CDC42: variants seen among roughly 807,000 people sequenced by gnomAD.
The protein encoded by CDC42 is cell division cycle 42.
In CDC42, 1 loss-of-function variant was observed where a neutral mutation model predicts 20.8. The observed-to-expected ratio is 0.05, with a 90% CI of 0.02 to 0.23. The LOEUF is 0.23. Ranked by LOEUF, CDC42 falls within the 10% of genes least tolerant of loss-of-function variation. The pLI is 1.00. For synonymous variants in CDC42, 72 were observed against 84.8 expected (o/e 0.85, Z 0.83); for missense variants, 49 against 227.9 (o/e 0.21, Z 5.05).
chr1:22,076,315 A>C (rs762993891), intron 1 of CDC42, among the ~76,000 whole-genome samples: 3 of 152,112 alleles, frequency 2.0e-5, no homozygotes, highest in Non-Finnish European at 4.4e-5. Flanking sequence ...AACATTATCC[A>C]GGCGTGGTGG....
chr1:22,062,636 C>A (rs1645378275), intron 1 of CDC42, among the ~76,000 whole-genome samples: 1 of 144,442 alleles, frequency 6.9e-6, no homozygotes, highest in Non-Finnish European at 1.5e-5. Context: ...GTAATCCCAG[C>A]AGTTTGGGAG....
In CDC42 at chr1:22,074,722, A is replaced by G. The variant is rs141915725; in HGVS notation, c.-50-3707A>G. ...GGTGAGCCACTGTGCTCTTTAATACATGTGTTAAAGGGCAAAACTACAACA... is the reference window on the plus strand; with the variant it reads ...GGTGAGCCACTGTGCTCTTTAATACGTGTGTTAAAGGGCAAAACTACAACA... On this transcript the variant is annotated intron_variant, in intron 1 of 5. Transcript: ENST00000656825. Among the ~76,000 whole-genome samples the G allele has an allele frequency of 3.3e-5, 5 of 152,254 alleles. No homozygotes were observed. The East Asian group carries it at 5.8e-4, about 18-fold the overall frequency.
At chr1:22,090,282 G>C in intron 5 of CDC42, 3 of 1,171,240 alleles carry the variant, frequency 2.6e-6, no homozygotes, top group Non-Finnish European at 3.2e-6. Context: ...GAGCTTTTTG[G>C]TTTGGATTAC....
chr1:22,058,188 ATT>A (rs1399727037), intron 1 of CDC42, among the ~76,000 whole-genome samples: 2 of 152,162 alleles, frequency 1.3e-5, no homozygotes, highest in African/African-American at 4.8e-5. Flanking sequence ...CCAGAATCTT[ATT>A]TTAATAAGAT....
At chr1:22,065,906 G>A (rs1645418040) in intron 1 of CDC42, among the ~76,000 whole-genome samples, 1 of 151,968 alleles carries the variant, frequency 6.6e-6, no homozygotes, top group Non-Finnish European at 1.5e-5. Context: ...TTACAGGTGT[G>A]CGCCACCATG....
chr1:22,065,583 G>C (rs1645413727), intron 1 of CDC42, among the ~76,000 whole-genome samples: 1 of 152,158 alleles, frequency 6.6e-6, no homozygotes, highest in African/African-American at 2.4e-5. Context: ...CTGCTAGGTG[G>C]TGTGTGTACC....
At chr1:22,087,298 T>C (rs1039080330) in intron 5 of CDC42, among the ~76,000 whole-genome samples, 1 of 152,218 alleles carries the variant, frequency 6.6e-6, no homozygotes, top group African/African-American at 2.4e-5. Flanking sequence ...AGGGAATTAG[T>C]CATAATAATT....
intron 5 of CDC42, chr1:22,090,590 G>A: frequency 4.1e-6 from 4 of 985,864 alleles, no homozygotes; most frequent in Non-Finnish European, 4.8e-6. Context: ...CTGGGGTGGG[G>A]AAGATATTGA....
At chr1:22,078,892 T>C in intron 2 of CDC42, 1 of 1,249,374 alleles carries the variant, frequency 8.0e-7, no homozygotes, top group Non-Finnish European at 1.0e-6. Flanking sequence ...GTGACTTTTT[T>C]TTTTTTTTTT....
intron 2 of CDC42, among the ~76,000 whole-genome samples, chr1:22,080,145 A>G (rs1030850011): frequency 7.2e-5 from 11 of 152,202 alleles, no homozygotes; most frequent in Non-Finnish European, 1.3e-4. Flanking sequence ...CTCTTAATGG[A>G]TGAGGGTACT....
At chr1:22,079,027 A>T in intron 2 of CDC42, 1 of 342,404 alleles carries the variant, frequency 2.9e-6, no homozygotes, top group Non-Finnish European at 5.1e-6. Context: ...GCTTAGCAGT[A>T]ATGGAGCTCC....
rs1405525261 is a variant in CDC42 at position 22,078,664 on chromosome 1, G to T, written c.105+81G>T. ...TGAAAACGCTTTCTCTATGTGTACT[G>T]AATTTTTTTCTGTTGTCTGCCTTTG... On this transcript the variant is annotated intron_variant, in intron 2 of 5. Coordinates refer to ENST00000656825, the MANE Select transcript of CDC42 (RefSeq NM_001791.4). The T allele has an allele frequency of 1.9e-6, 3 of 1,545,968 alleles. No homozygotes were observed. In the African/African-American group the frequency reaches 4.1e-5, roughly 21 times the overall value.
intron 1 of CDC42, among the ~76,000 whole-genome samples, chr1:22,062,408 C>T (rs78414165): frequency 9.9e-5 from 15 of 152,270 alleles, no homozygotes; most frequent in Non-Finnish European, 1.6e-4. Context: ...GAATTTGTCA[C>T]GTTTGCTGCC....
At chr1:22,091,003 A>G (rs1315255150) in intron 5 of CDC42, among the ~76,000 whole-genome samples, 2 of 152,182 alleles carry the variant, frequency 1.3e-5, no homozygotes, top group South Asian at 2.1e-4. Flanking sequence ...TAGAATAAGG[A>G]TGCCACTGAC....
At chr1:22,053,348 C>CT (rs1275531821) in intron 1 of CDC42, 1 of 151,750 alleles carries the variant, frequency 6.6e-6, no homozygotes, top group Non-Finnish European at 1.5e-5. Context: ...GCGGCGGTGC[C>CT]TGTCCGAGCT....
chr1:22,063,832 T>G (rs1258095618), intron 1 of CDC42, among the ~76,000 whole-genome samples: 4 of 152,110 alleles, frequency 2.6e-5, no homozygotes. Context: ...GTGATTCTTG[T>G]GCCTCAGCCT....
At chr1:22,066,956 A>T (rs2473319) in intron 1 of CDC42, among the ~76,000 whole-genome samples, 1 of 152,114 alleles carries the variant, frequency 6.6e-6, no homozygotes, top group East Asian at 1.9e-4. Context: ...CCAGCTACTC[A>T]GGAAGTTGAG....
chr1:22,084,404 GT>G (rs1645640374), intron 3 of CDC42, among the ~76,000 whole-genome samples: 2 of 135,190 alleles, frequency 1.5e-5, no homozygotes, highest in Admixed American at 1.6e-4. Context: ...TCTAATTGTG[GT>G]TTTGATTTGT....
intron 2 of CDC42, among the ~76,000 whole-genome samples, chr1:22,080,764 T>G (rs1645598929): frequency 6.6e-6 from 1 of 152,218 alleles, no homozygotes; most frequent in South Asian, 2.1e-4. Flanking sequence ...TATTAGCATA[T>G]GCTTTACTGA....
Sources: gnomAD v4.1 joint callset for allele counts (sites outside exome capture counted in the v4.1 genomes callset) on GRCh38, gnomAD v4.1.1 for gene constraint, MANE v1.5 for transcripts, NCBI Gene and HGNC (gene_info 2026-07-23, HGNC 2026-07-21) for gene names.